IGF1R: variants seen among roughly 807,000 people sequenced by gnomAD.
IGF1R encodes the protein insulin-like growth factor 1 receptor.
Under a neutral mutation model 144.6 loss-of-function variants are expected in IGF1R, and 44 were observed. That is an observed-to-expected ratio of 0.30 (90% CI 0.24 to 0.39). The LOEUF is 0.39. Among genes scored for constraint, IGF1R ranks in the 10% least tolerant of loss-of-function variants. The pLI is 1.00. For synonymous variants in IGF1R, 795 were observed against 722.8 expected (o/e 1.10, Z -1.60); for missense variants, 1,355 against 1,833.7 (o/e 0.74, Z 4.77).
intron 1 of IGF1R, among the ~76,000 whole-genome samples, chr15:98,664,790 A>G (rs559786697): frequency 2.2e-4 from 34 of 151,920 alleles, no homozygotes; most frequent in African/African-American, 8.2e-4. Context: ...GTTTATAAAC[A>G]CTAGGAGTTA....
chr15:98,706,310 T>TA (rs1486640241), intron 1 of IGF1R, among the ~76,000 whole-genome samples: 3 of 152,234 alleles, frequency 2.0e-5, no homozygotes, highest in Non-Finnish European at 2.9e-5. Context: ...TGAGAAGCTT[T>TA]AATAGTGTAC....
intron 11 of IGF1R, among the ~76,000 whole-genome samples, chr15:98,922,915 C>T (rs1010043841): frequency 1.3e-5 from 2 of 152,230 alleles, no homozygotes; most frequent in Non-Finnish European, 2.9e-5. Flanking sequence ...CACTGCCTGT[C>T]ACTCGGGCAT....
intron 17 of IGF1R, among the ~76,000 whole-genome samples, chr15:98,938,206 C>T (rs2016231258): frequency 6.6e-6 from 1 of 152,234 alleles, no homozygotes. Context: ...TCAGTGAAAC[C>T]ACTGTGATAC....
At chr15:98,868,231 C>T (rs1164600365) in intron 2 of IGF1R, among the ~76,000 whole-genome samples, 1 of 142,372 alleles carries the variant, frequency 7.0e-6, no homozygotes, top group East Asian at 2.1e-4. Flanking sequence ...CCTGTAGTCC[C>T]AGATACTTGG....
At chr15:98,666,521 G>A (rs1235085284) in intron 1 of IGF1R, among the ~76,000 whole-genome samples, 2 of 152,206 alleles carry the variant, frequency 1.3e-5, no homozygotes, top group Admixed American at 6.5e-5. Context: ...ACAAAATGTG[G>A]TCTATCCATA....
intron 2 of IGF1R, chr15:98,820,937 C>T (rs189268087): frequency 2.0e-5 from 3 of 152,144 alleles, no homozygotes; most frequent in Non-Finnish European, 4.4e-5. Context: ...TTGGTCTTCA[C>T]TTGGTATGTG....
At chr15:98,952,472 T>C (rs1476800007) in intron 20 of IGF1R, among the ~76,000 whole-genome samples, 1 of 152,184 alleles carries the variant, frequency 6.6e-6, no homozygotes, top group African/African-American at 2.4e-5. Context: ...TGAATCTGCA[T>C]AAAGGTACAG....
At chr15:98,699,871 TCA>T (rs1224552320) in intron 1 of IGF1R, among the ~76,000 whole-genome samples, 1 of 152,222 alleles carries the variant, frequency 6.6e-6, no homozygotes, top group East Asian at 1.9e-4. Flanking sequence ...ATTTCTGTTC[TCA>T]GAGTTTCCTC....
Position 98,930,245 on chromosome 15 carries a change from A to G in IGF1R, c.2896A>G (p.Arg966Gly). ...TAATCTTTTTGACAGAAATAACAGC[A>G]GGCTGGGGAATGGAGTGCTGTATGC... is the stretch of plus-strand genomic sequence containing the variant. ...YVFHRKRNNS[R>G]LGNGVLYASV... Residue 966 changes from arginine to glycine, a missense_variant, in exon 15 of 21, where the codon AGG becomes GGG. Physicochemically the swap from Arg to Gly is moderately radical, Grantham distance 125. Around this residue, in one of 7 missense-constraint regions of IGF1R, gnomAD observed 880 missense variants for 1,202.7 expected, o/e 0.73. Coordinates refer to ENST00000650285, the MANE Select transcript of IGF1R (RefSeq NM_000875.5). 1 of 1,613,110 alleles carries G rather than the reference A, an allele frequency of 6.2e-7. No homozygotes were observed. Among genetic ancestry groups the G allele is most frequent in the Non-Finnish European group, 8.5e-7 (1 of 1,179,232 alleles).
At position 98,935,330 on chromosome 15, in the gene IGF1R, T is replaced by C. The variant is rs1343972130; in HGVS notation, c.3201T>C (p.Gly1067=). ...FNCHHVVRLL[G]VVSQGQPTLV... ...ATTCCTCCCAGGTGCGATTGCTGGGTGTGGTGTCCCAAGGCCAGCCAACAC... is the reference window on the plus strand; with the variant it reads ...ATTCCTCCCAGGTGCGATTGCTGGGCGTGGTGTCCCAAGGCCAGCCAACAC... The change falls in exon 17 of 21, where the codon GGT becomes GGC. Residue 1067 remains glycine, a synonymous_variant. Transcript: ENST00000650285. This position sits in a 1 kb window ranked among gnomAD's most constrained non-coding sequence, Gnocchi z 4.2. 1 of 1,550,096 alleles carries C rather than the reference T, an allele frequency of 6.5e-7. No homozygotes were observed. Among genetic ancestry groups the C allele is most frequent in the African/African-American group, 1.4e-5 (1 of 72,978 alleles).
rs2012426967 is a variant in IGF1R, at chr15:98,866,076, G to A, written c.641-25249G>A. Among the ~76,000 whole-genome samples the A allele has an allele frequency of 2.0e-5, 3 of 152,208 alleles. No homozygotes were observed. The South Asian group carries it at 6.2e-4, about 31-fold the overall frequency. ...TAAAATGAAAGTAAAAGATGCAAATGTGTTTGCAAAAGAAAAATTAACATA... is the reference window on the plus strand; with the variant it reads ...TAAAATGAAAGTAAAAGATGCAAATATGTTTGCAAAAGAAAAATTAACATA... On this transcript the variant is annotated intron_variant, in intron 2 of 20. Coordinates refer to ENST00000650285, the MANE Select transcript of IGF1R (RefSeq NM_000875.5).
At chr15:98,657,869 A>G (rs1244583645) in intron 1 of IGF1R, among the ~76,000 whole-genome samples, 1 of 152,108 alleles carries the variant, frequency 6.6e-6, no homozygotes, top group Non-Finnish European at 1.5e-5. Context: ...TTTCGATCTC[A>G]CTGAGTCACT....
intron 2 of IGF1R, among the ~76,000 whole-genome samples, chr15:98,792,333 C>T (rs1004004563): frequency 4.6e-5 from 7 of 152,188 alleles, no homozygotes; most frequent in Non-Finnish European, 1.0e-4. Context: ...TATTATATAA[C>T]TTAGCATTTA....
intron 2 of IGF1R, among the ~76,000 whole-genome samples, chr15:98,772,510 A>ATCATTATTGTTATTG (rs1555443503): frequency 7.0e-6 from 1 of 141,948 alleles, no homozygotes; most frequent in Non-Finnish European, 1.5e-5. Context: ...TATTATTATT[A>ATCATTATTGTTATTG]TTATTTTAAG....
At chr15:98,729,376 A>G (rs2054443127) in intron 2 of IGF1R, among the ~76,000 whole-genome samples, 1 of 152,274 alleles carries the variant, frequency 6.6e-6, no homozygotes, top group East Asian at 1.9e-4. Context: ...ATGGAAAGGA[A>G]CCGGAAGTGC....
chr15:98,703,006 G>A (rs1303999493), intron 1 of IGF1R, among the ~76,000 whole-genome samples: 1 of 152,050 alleles, frequency 6.6e-6, no homozygotes, highest in African/African-American at 2.4e-5. Flanking sequence ...CCAAGCCCCT[G>A]CCTGCCCCTC....
Position 98,820,636 on chromosome 15 carries a change from A to C in IGF1R, c.641-70689A>C, listed in dbSNP as rs111401340. Among the ~76,000 whole-genome samples the C allele has an allele frequency of 3.7e-3, 562 of 152,362 alleles. 3 individuals carry two copies. Among genetic ancestry groups the C allele is most frequent in the African/African-American group, 0.013 (530 of 41,590 alleles). ...GGTATAAAGATACTTAAATACCTAC[A>C]GCCTTATAAGGCCTAGGTGTCAATT... On this transcript the variant is annotated intron_variant, in intron 2 of 20. Transcript: ENST00000650285.
chr15:98,700,510 G>C (rs1384109256), intron 1 of IGF1R, among the ~76,000 whole-genome samples: 1 of 152,096 alleles, frequency 6.6e-6, no homozygotes, highest in African/African-American at 2.4e-5. Flanking sequence ...GTGCATATTA[G>C]AAACAAATTT....
chr15:98,794,679 T>G (rs1007520055), intron 2 of IGF1R, among the ~76,000 whole-genome samples: 3 of 152,194 alleles, frequency 2.0e-5, no homozygotes, highest in African/African-American at 2.4e-5. Flanking sequence ...GCTGTACAAA[T>G]GTTTGCTGCT....
Sources: gnomAD v4.1 joint callset for allele counts (sites outside exome capture counted in the v4.1 genomes callset) on GRCh38, gnomAD v4.1.1 for gene constraint, gnomAD v4.1.1 regional missense constraint, Gnocchi (gnomAD v3.1) non-coding constraint, MANE v1.5 for transcripts, NCBI Gene and HGNC (gene_info 2026-07-23, HGNC 2026-07-21) for gene names.